NF2: variants seen among roughly 807,000 people sequenced by gnomAD.
NF2 encodes the protein NF2, moesin-ezrin-radixin like (MERLIN) tumor suppressor.
NF2 carries 8 observed loss-of-function variants against 83.7 expected under a neutral mutation model. The ratio of observed to expected loss-of-function variants is 0.10; its 90% CI spans 0.06 to 0.17. The LOEUF (loss-of-function observed/expected upper bound fraction) is 0.17, where lower values mean the gene tolerates loss of function less well. Among genes scored for constraint, NF2 ranks in the 10% least tolerant of loss-of-function variants. The pLI, the probability that NF2 is intolerant of heterozygous loss-of-function variation, is 1.00. For missense variants in NF2, 533 were observed against 744.4 expected (o/e 0.72, Z 3.31); for synonymous variants, 266 against 269.6 (o/e 0.99, Z 0.13).
intron 1 of NF2, among the ~76,000 whole-genome samples, chr22:29,617,558 C>T (rs2065112517): frequency 6.6e-6 from 1 of 152,164 alleles, no homozygotes; most frequent in African/African-American, 2.4e-5. Flanking sequence ...ACCCTCCAAT[C>T]TCCTCTTTCT....
At chr22:29,687,662 T>C (rs1036407486) in intron 15 of NF2, among the ~76,000 whole-genome samples, 1 of 152,202 alleles carries the variant, frequency 6.6e-6, no homozygotes, top group Non-Finnish European at 1.5e-5. Flanking sequence ...ATGGCTCTGC[T>C]TGCTTTAGGA....
rs117863523 is a variant in NF2 at position 29,698,010 on chromosome 22, G to A, written c.*3208G>A. ...TCTCAGGCAGAAGCCCCACAGCACCGGGACCATTCATGAGGTCACTGCCCA... is the reference window on the plus strand; with the variant it reads ...TCTCAGGCAGAAGCCCCACAGCACCAGGACCATTCATGAGGTCACTGCCCA... On this transcript the variant is annotated 3_prime_UTR_variant, in exon 16 of 16. Transcript: ENST00000338641. 5.3e-3 allele frequency: 1,209 copies of A among 227,672 alleles called. 6 individuals carry two copies. The highest frequency in any genetic ancestry group is 0.024 in the South Asian group (131 of 5,458). 14.1% of individuals were successfully genotyped at this position (227,672 alleles called of 1,614,324 possible). A position where few individuals can be genotyped will look rare whatever the true frequency, so the allele number is the denominator to read the frequency against.
At position 29,671,939 on chromosome 22, in the gene NF2, C is replaced by T. The variant is rs142459414; in HGVS notation, c.1113C>T (p.Asn371=). 8.1e-4 allele frequency: 1,305 copies of T among 1,614,168 alleles called. 16 individuals carry two copies. The East Asian group carries it at 0.027, about 33-fold the overall frequency. ...LQMKEEATMA[N]EALMRSEETA... ...TGAAAGAAGAAGCAACAATGGCCAA[C>T]GAAGCACTGGTGATTTCTGAGGGGC... is the stretch of plus-strand genomic sequence containing the variant. The change falls in exon 11 of 16, where the codon AAC becomes AAT. Residue 371 remains asparagine (N), a synonymous_variant. Transcript: ENST00000338641.
At position 29,654,687 on chromosome 22, in the gene NF2, C is replaced by T. The variant is rs150667239; in HGVS notation, c.478C>T (p.Arg160Trp). 1.7e-5 allele frequency: 28 copies of T among 1,613,772 alleles called. No homozygotes were observed. Among genetic ancestry groups the T allele is most frequent in the Non-Finnish European group, 2.2e-5 (26 of 1,179,874 alleles). The change falls in exon 5 of 16, where the codon CGG becomes TGG. Residue 160 changes from arginine to tryptophan, a missense_variant. Around this residue, in one of 3 missense-constraint regions of NF2, gnomAD observed 326 missense variants for 475.1 expected, o/e 0.69. Transcript: ENST00000338641. ...YGDYDPSVHK[R>W]GFLAQEELLP... ...TGACTACGACCCCAGTGTTCACAAGCGGGGATTTTTGGCCCAAGAGGAATT... is the reference window on the plus strand; with the variant it reads ...TGACTACGACCCCAGTGTTCACAAGTGGGGATTTTTGGCCCAAGAGGAATT...
chr22:29,671,783 C>G (rs756442283), intron 10 of NF2, 43 bp from the exon 11 acceptor site: 1 of 1,612,442 alleles, frequency 6.2e-7, no homozygotes, highest in Non-Finnish European at 8.5e-7. Context: ...CCCTAGGTCT[C>G]GAGCCCTGTG....
chr22:29,644,525 C>T (rs2065924236), intron 4 of NF2, among the ~76,000 whole-genome samples: 1 of 151,146 alleles, frequency 6.6e-6, no homozygotes, highest in East Asian at 2.0e-4. Flanking sequence ...GGGTGGCGGC[C>T]GGGCAGAGGC....
chr22:29,665,303 G>A (rs1234357982), intron 9 of NF2, among the ~76,000 whole-genome samples: 2 of 151,568 alleles, frequency 1.3e-5, no homozygotes, highest in South Asian at 2.1e-4. Context: ...TGCAGTGGCA[G>A]TGCCATCTCG....
At chr22:29,673,777 C>T (rs2066881296) in intron 12 of NF2, among the ~76,000 whole-genome samples, 1 of 152,230 alleles carries the variant, frequency 6.6e-6, no homozygotes, top group Non-Finnish European at 1.5e-5. Context: ...AGGAAAACCC[C>T]TGAGCATATC....
In NF2 at chr22:29,655,642, A is replaced by T. The variant is rs2066280450; in HGVS notation, c.565A>T (p.Thr189Ser). 6.2e-7 allele frequency: 1 copy of T among 1,613,322 alleles called. No homozygotes were observed. Among genetic ancestry groups the T allele is most frequent in the African/African-American group, 1.3e-5 (1 of 74,674 alleles). Residue 189 changes from threonine (T) to serine (S), a missense_variant, in exon 6 of 16, where the codon ACT (threonine) becomes TCT (serine). Transcript: ENST00000338641. ...TCCGGAAATGTGGGAGGAGAGAATTACTGCTTGGTACGCAGAGCACCGAGG... is the reference window on the plus strand; with the variant it reads ...TCCGGAAATGTGGGAGGAGAGAATTTCTGCTTGGTACGCAGAGCACCGAGG... ...MTPEMWEERI[T>S]AWYAEHRGRA...
intron 4 of NF2, among the ~76,000 whole-genome samples, chr22:29,652,475 T>G (rs2066176815): frequency 6.6e-6 from 1 of 152,130 alleles, no homozygotes. Flanking sequence ...TGGCTGATTT[T>G]GTATTTTTAG....
intron 4 of NF2, among the ~76,000 whole-genome samples, chr22:29,649,082 A>G (rs1017241780): frequency 2.0e-5 from 3 of 152,174 alleles, no homozygotes; most frequent in Admixed American, 2.0e-4. Flanking sequence ...TCTATAATAG[A>G]TATCAAGACA....
chr22:29,616,165 A>T (rs768762197), intron 1 of NF2, among the ~76,000 whole-genome samples: 2 of 152,152 alleles, frequency 1.3e-5, no homozygotes, highest in Non-Finnish European at 2.9e-5. Flanking sequence ...GCTGGGAAAA[A>T]TGGGTGGGGT....
At chr22:29,605,141 C>A (rs934401790) in intron 1 of NF2, among the ~76,000 whole-genome samples, 1 of 145,740 alleles carries the variant, frequency 6.9e-6, no homozygotes, top group South Asian at 2.2e-4. Flanking sequence ...TGTGCCACCA[C>A]ACCTGGCTAA....
At chr22:29,664,951 G>C in intron 8 of NF2, 39 bp from the exon 9 acceptor site, 1 of 1,440,016 alleles carries the variant, frequency 6.9e-7, no homozygotes. Context: ...AACATTCCAG[G>C]CTGTCGGACT....
rs746175548 is a variant in NF2 at position 29,668,413 on chromosome 22, A to G, written c.966A>G (p.Lys322=). The G allele has an allele frequency of 3.1e-6, 5 of 1,613,820 alleles. No individual in the cohort carries two copies. The highest frequency in any genetic ancestry group is 4.2e-6 in the Non-Finnish European group (5 of 1,179,848). The change falls in exon 10 of 16, where the codon AAA becomes AAG. Residue 322 remains lysine, a synonymous_variant. Coordinates refer to ENST00000338641, the MANE Select transcript of NF2 (RefSeq NM_000268.4). ...KADSLEVQQM[K]AQAREEKARK... is the part of the protein sequence containing the mutation. The stretch of plus-strand genomic sequence containing the variant: ...ATTCTTTGGAAGTTCAGCAGATGAA[A>G]GCCCAGGCCAGGGAGGAGAAGGCTA...
At chr22:29,667,236 C>A (rs2066649552) in intron 9 of NF2, among the ~76,000 whole-genome samples, 1 of 146,514 alleles carries the variant, frequency 6.8e-6, no homozygotes, top group African/African-American at 2.5e-5. Flanking sequence ...ATCAAATGAA[C>A]TTTTTTTTTT....
At chr22:29,606,382 T>C (rs1339233916) in intron 1 of NF2, among the ~76,000 whole-genome samples, 1 of 152,190 alleles carries the variant, frequency 6.6e-6, no homozygotes, top group Non-Finnish European at 1.5e-5. Context: ...GAGCCTCAGG[T>C]TATTGCGGTC....
At position 29,677,259 on chromosome 22, in the gene NF2, G is replaced by A. The variant is rs6006224; in HGVS notation, c.1447-937G>A. ...AGGGACAGCAAAGAAAAGGGTTGCC[G>A]GCTGGCTGGGAGGGGCTAGAAAGGC... On this transcript the variant is annotated intron_variant, in intron 13 of 15. Transcript: ENST00000338641. 2.0e-4 allele frequency among the ~76,000 whole-genome samples: 31 copies of A among 152,246 alleles called. No individual in the cohort carries two copies. In the East Asian group the frequency reaches 2.9e-3, roughly 14 times the overall value.
intron 1 of NF2, among the ~76,000 whole-genome samples, chr22:29,622,604 C>A (rs1281284061): frequency 1.3e-5 from 2 of 150,832 alleles, no homozygotes; most frequent in Non-Finnish European, 2.9e-5. Flanking sequence ...CTTTTACAAT[C>A]CGCTTCCCTC....
Sources: allele counts gnomAD v4.1 joint callset (sites outside exome capture counted in the v4.1 genomes callset), GRCh38; gene constraint gnomAD v4.1.1; regional missense constraint gnomAD v4.1.1; transcripts MANE v1.5; gene names NCBI Gene and HGNC (gene_info 2026-07-23, HGNC 2026-07-21).